The following ESYT3 variants were observed in gnomAD, a reference collection of about 807,000 sequenced individuals.
ESYT3 encodes the protein extended synaptotagmin-3.
Under a neutral mutation model 111.5 loss-of-function variants are expected in ESYT3, and 101 were observed. The observed-to-expected ratio is 0.91, with a 90% CI of 0.77 to 1.07. ESYT3 has a LOEUF of 1.07. Ranked by LOEUF, ESYT3 falls within the 50% of genes least tolerant of loss-of-function variation. The probability of loss-of-function intolerance (pLI) is 0.00; values close to 1 mark genes in which losing one functional copy is unlikely to be tolerated. For missense variants in ESYT3, 1,097 were observed against 1,109.4 expected (o/e 0.99, Z 0.16); for synonymous variants, 416 against 446.8 (o/e 0.93, Z 0.87).
chr3:138,452,157 C>A, intron 2 of ESYT3, 68 bp downstream of exon 2: 1 of 1,505,616 alleles, frequency 6.6e-7, no homozygotes, highest in Non-Finnish European at 9.1e-7. Context: ...CGGCTGTCAC[C>A]CCCACAGCCT....
intron 3 of ESYT3, 76 bp from the exon 4 acceptor site, chr3:138,457,492 A>C (rs2032355898): frequency 1.5e-6 from 2 of 1,321,940 alleles, no homozygotes. Context: ...GACAAAGCCC[A>C]GTGCCGGGGG....
At chr3:138,445,373 T>C (rs1281812294) in intron 1 of ESYT3, among the ~76,000 whole-genome samples, 1 of 152,236 alleles carries the variant, frequency 6.6e-6, no homozygotes, top group Admixed American at 6.5e-5. Context: ...CACTATGCAG[T>C]TGCCCCCATT....
At position 138,457,035 on chromosome 3, in the gene ESYT3, G is replaced by A. The variant is rs76464445; in HGVS notation, c.505-533G>A. Among the ~76,000 whole-genome samples the A allele has an allele frequency of 3.9e-3, 599 of 152,154 alleles. 4 individuals carry two copies. Among genetic ancestry groups the A allele is most frequent in the African/African-American group, 0.014 (575 of 41,498 alleles). ...ATTCCCATGTCCCCTCCTGACCATC[G>A]TGGGGTCACAGAGGACTCCTCACAC... On this transcript the variant is annotated intron_variant, in intron 3 of 22. Coordinates refer to ENST00000389567, the MANE Select transcript of ESYT3 (RefSeq NM_031913.5).
chr3:138,472,163 G>GCATTTCAAA, intron 17 of ESYT3, among the ~76,000 whole-genome samples, 200 bp from the exon 18 acceptor site: 1 of 152,112 alleles, frequency 6.6e-6, no homozygotes, highest in African/African-American at 2.4e-5. Context: ...GCATTTCAAA[G>GCATTTCAAA]GATGTTTGCT....
intron 3 of ESYT3, 48 bp from the exon 4 acceptor site, chr3:138,457,520 C>T: frequency 6.4e-7 from 1 of 1,570,224 alleles, no homozygotes; most frequent in Non-Finnish European, 8.8e-7. Context: ...GGCAGCTGTC[C>T]CCTGCTACAA....
At position 138,453,264 on chromosome 3, in the gene ESYT3, A is replaced by G. The variant is rs147038168; in HGVS notation, c.369+1175A>G. Reference sequence around the variant, plus strand: ...CGTTACATCTTTCTTTCAGTAATACACAGAGGCCTATACAAGGCGTTGGAG... The same window carrying G: ...CGTTACATCTTTCTTTCAGTAATACGCAGAGGCCTATACAAGGCGTTGGAG... On this transcript the variant is annotated intron_variant, in intron 2 of 22. Coordinates refer to ENST00000389567, the MANE Select transcript of ESYT3 (RefSeq NM_031913.5). 3.1e-3 allele frequency among the ~76,000 whole-genome samples: 466 copies of G among 152,288 alleles called. 2 individuals are homozygous for G. The highest frequency in any genetic ancestry group is 0.01 in the African/African-American group (421 of 41,562).
Position 138,479,869 on chromosome 3 carries a change from C to CT in ESYT3, c.*3016dup, listed in dbSNP as rs2033647418. On this transcript the variant is annotated 3_prime_UTR_variant, in exon 23 of 23. Transcript: ENST00000389567. ...TCCTGAAGTTGATATTCTGTATCCCCTAGAGTCCACTTCTACCCCGTTTAG... is the reference window on the plus strand; with the variant it reads ...TCCTGAAGTTGATATTCTGTATCCCCTTAGAGTCCACTTCTACCCCGTTTAG... 6.6e-6 allele frequency: 1 copy of CT among 152,156 alleles called. No individual in the cohort carries two copies. Among genetic ancestry groups the CT allele is most frequent in the Admixed American group, 6.5e-5 (1 of 15,282 alleles). 9.4% of individuals were successfully genotyped at this position (152,156 alleles called of 1,614,324 possible). A position where few individuals can be genotyped will look rare whatever the true frequency, so the allele number is the denominator to read the frequency against.
intron 3 of ESYT3, 121 bp downstream of exon 3, chr3:138,455,449 A>AAGGTC: frequency 2.7e-5 from 28 of 1,039,352 alleles, no homozygotes; most frequent in African/African-American, 3.7e-5. Context: ...ACTGGACCTT[A>AAGGTC]CAGGGGGACA....
rs1203486789 is a variant in ESYT3 at position 138,457,588 on chromosome 3, C to T, written c.525C>T (p.Val175=). 4 of 1,614,052 alleles carry T rather than the reference C, an allele frequency of 2.5e-6. No homozygotes were observed. The Admixed American group carries it at 6.7e-5, about 27-fold the overall frequency. The change falls in exon 4 of 23, where the codon GTC becomes GTT. Residue 175 remains valine, a synonymous_variant. Transcript: ENST00000389567. Reference sequence around the variant, plus strand: ...TCCAGTGTCCCAGGGTCAACGGTGTCAAGGCACACACTAATACGTGCAACC... The same window carrying T: ...TCCAGTGTCCCAGGGTCAACGGTGTTAAGGCACACACTAATACGTGCAACC... ...FGQKCPRVNG[V]KAHTNTCNRR... is the part of the protein sequence containing the mutation.
At position 138,452,968 on chromosome 3, in the gene ESYT3, C is replaced by G. The variant is rs188378195; in HGVS notation, c.369+879C>G. The stretch of plus-strand genomic sequence containing the variant: ...GGCATGGTAGCACACACCAGGGTCA[C>G]AACTCCTTGAGAGGCTGAGGCAGGA... On this transcript the variant is annotated intron_variant, in intron 2 of 22. Coordinates refer to ENST00000389567, the MANE Select transcript of ESYT3 (RefSeq NM_031913.5). Among the ~76,000 whole-genome samples the G allele has an allele frequency of 1.3e-3, 204 of 152,356 alleles. 4 individuals are homozygous for G. The highest frequency in any genetic ancestry group is 3.4e-3 in the Middle Eastern group (1 of 294).
In ESYT3 at chr3:138,435,717, G is replaced by C. The variant is rs1560204872; in HGVS notation, c.327+592G>C. ...CCGCCGGATAGGGATGCCGGCACAC[G>C]CACACTGCCCCGACAAACCCATCTC... On this transcript the variant is annotated intron_variant, in intron 1 of 22. Coordinates refer to ENST00000389567, the MANE Select transcript of ESYT3 (RefSeq NM_031913.5). The surrounding 1 kb of genome is among the most constrained non-coding windows in gnomAD (Gnocchi z 4.8). 6.6e-6 allele frequency among the ~76,000 whole-genome samples: 1 copy of C among 151,800 alleles called. No homozygotes were observed. Among genetic ancestry groups the C allele is most frequent in the African/African-American group, 2.4e-5 (1 of 41,278 alleles).
Position 138,460,618 on chromosome 3 carries a change from A to T in ESYT3, c.746A>T (p.Gln249Leu). The change falls in exon 7 of 23, where the codon CAG becomes CTG. Residue 249 changes from glutamine (Q) to leucine (L), a missense_variant. By Grantham distance (113) the Gln-to-Leu change is moderately radical (BLOSUM62 -2). Transcript: ENST00000389567. ...TVFFLQKPHL[Q>L]INWTGLTNLL... is the part of the protein sequence containing the mutation. ...TTCCCTCTGCCCCTGAAGCACCTAC[A>T]GATCAACTGGACTGGCCTGACCAAC... The T allele has an allele frequency of 6.2e-7, 1 of 1,614,118 alleles. No individual in the cohort carries two copies.
At chr3:138,454,545 G>A (rs969979984) in intron 2 of ESYT3, among the ~76,000 whole-genome samples, 1 of 152,158 alleles carries the variant, frequency 6.6e-6, no homozygotes, top group East Asian at 1.9e-4. Context: ...CAACAAGAGC[G>A]AAACTCCGTT....
chr3:138,465,671 C>T (rs1046413659), intron 10 of ESYT3, among the ~76,000 whole-genome samples: 6 of 152,284 alleles, frequency 3.9e-5, no homozygotes, highest in Non-Finnish European at 5.9e-5. Flanking sequence ...TTGTATATTA[C>T]GGCTTTGCTT....
chr3:138,458,728 A>G (rs957712881), intron 4 of ESYT3, among the ~76,000 whole-genome samples: 2 of 152,194 alleles, frequency 1.3e-5, no homozygotes, highest in African/African-American at 2.4e-5. Context: ...CACCTCCACC[A>G]GCCCCAGCAG....
chr3:138,475,589 T>C (rs898715251), intron 20 of ESYT3, among the ~76,000 whole-genome samples: 17 of 152,136 alleles, frequency 1.1e-4, no homozygotes, highest in African/African-American at 3.9e-4. Context: ...GTTGAGGTGG[T>C]CCTGTGAATA....
Position 138,435,265 on chromosome 3 carries a change from C to A in ESYT3, c.327+140C>A, listed in dbSNP as rs1576410252. 1.2e-6 allele frequency: 1 copy of A among 844,852 alleles called. No individual in the cohort carries two copies. Among genetic ancestry groups the A allele is most frequent in the Non-Finnish European group, 1.8e-6 (1 of 562,644 alleles). The allele number at this position is 844,852 out of a possible 1,614,324, so 52.3% of individuals were successfully genotyped here. ...GACCTGCACACCCCGTTCCCCACCG[C>A]TCCCGGGGCGCAGACCCTGGGGACG... On this transcript the variant is annotated intron_variant, in intron 1 of 22. Transcript: ENST00000389567. The surrounding 1 kb of genome is among the most constrained non-coding windows in gnomAD (Gnocchi z 4.8).
At position 138,455,221 on chromosome 3, in the gene ESYT3, A is replaced by C. The variant is rs948027695; in HGVS notation, c.397A>C (p.Ser133Arg). Residue 133 changes from serine to arginine, a missense_variant, in exon 3 of 23, where the codon AGC becomes CGC. By Grantham distance (110) the Ser-to-Arg change is moderately radical. Coordinates refer to ENST00000389567, the MANE Select transcript of ESYT3 (RefSeq NM_031913.5). ...KIISQTWPYL[S>R]MIMESKFREK... ...CATCTCTCAGACCTGGCCCTACCTA[A>C]GCATGATCATGGAAAGCAAGTTCCG... 1.2e-6 allele frequency: 2 copies of C among 1,614,078 alleles called. No homozygotes were observed. Among genetic ancestry groups the C allele is most frequent in the Non-Finnish European group, 1.7e-6 (2 of 1,180,048 alleles).
At chr3:138,459,462 C>T (rs1387581670) in intron 5 of ESYT3, among the ~76,000 whole-genome samples, 2 of 152,184 alleles carry the variant, frequency 1.3e-5, no homozygotes, top group Non-Finnish European at 2.9e-5. Flanking sequence ...GCTCTAGAGA[C>T]CCCAGCCTCA....
Sources: allele counts gnomAD v4.1 joint callset (sites outside exome capture counted in the v4.1 genomes callset), GRCh38; gene constraint gnomAD v4.1.1; non-coding constraint Gnocchi (gnomAD v3.1); transcripts MANE v1.5; gene names NCBI Gene and HGNC (gene_info 2026-07-23, HGNC 2026-07-21).